Variants in COL24A1 observed in about 807,000 individuals in gnomAD.
The protein encoded by COL24A1 is collagen type XXIV alpha 1 chain.
COL24A1 carries 224 observed loss-of-function variants against 253.9 expected under a neutral mutation model. The observed-to-expected ratio is 0.88, with a 90% CI of 0.79 to 0.99. The LOEUF (loss-of-function observed/expected upper bound fraction) is 0.99. Ranked by LOEUF, COL24A1 falls within the 50% of genes least tolerant of loss-of-function variation. The probability of loss-of-function intolerance (pLI) is 0.00; values close to 1 mark genes in which losing one functional copy is unlikely to be tolerated. For synonymous variants in COL24A1, 685 were observed against 673.7 expected (o/e 1.02, Z -0.26); for missense variants, 2,131 against 2,068.5 (o/e 1.03, Z -0.59).
intron 53 of COL24A1, among the ~76,000 whole-genome samples, chr1:85,763,723 G>A (rs2101132300): frequency 6.6e-6 from 1 of 151,940 alleles, no homozygotes; most frequent in African/African-American, 2.4e-5. Context: ...TCAAACTCCT[G>A]GCCTCAAGTG....
At chr1:85,903,663 T>C (rs1316695098) in intron 28 of COL24A1, among the ~76,000 whole-genome samples, 3 of 152,146 alleles carry the variant, frequency 2.0e-5, no homozygotes, top group Non-Finnish European at 4.4e-5. Context: ...AAATAAAAAT[T>C]TGATAGCTTA....
At chr1:85,815,181 A>G (rs1672933947) in intron 47 of COL24A1, among the ~76,000 whole-genome samples, 2 of 152,244 alleles carry the variant, frequency 1.3e-5, no homozygotes, top group Non-Finnish European at 2.9e-5. Context: ...ATTCACTACA[A>G]TATTTCCCAG....
chr1:85,855,329 G>C (rs188211345), intron 37 of COL24A1, among the ~76,000 whole-genome samples: 1 of 152,038 alleles, frequency 6.6e-6, no homozygotes. Flanking sequence ...TTGCCTATTA[G>C]GTATAACATT....
chr1:86,151,246 T>C (rs911268672), intron 1 of COL24A1, among the ~76,000 whole-genome samples: 1 of 152,120 alleles, frequency 6.6e-6, no homozygotes, highest in African/African-American at 2.4e-5. Context: ...TTTAGTTTAC[T>C]CCCACAAACA....
chr1:86,152,185 G>A (rs571967605), intron 1 of COL24A1, among the ~76,000 whole-genome samples: 1 of 152,224 alleles, frequency 6.6e-6, no homozygotes, highest in African/African-American at 2.4e-5. Flanking sequence ...TAATTTTTCA[G>A]ACTATTAATT....
chr1:85,989,893 T>A (rs1055402718), intron 19 of COL24A1, among the ~76,000 whole-genome samples: 17 of 152,198 alleles, frequency 1.1e-4, no homozygotes, highest in South Asian at 4.1e-4. Context: ...ATACCTTGAA[T>A]TAGGTTGCTT....
At chr1:86,105,699 C>T (rs1328562638) in intron 5 of COL24A1, among the ~76,000 whole-genome samples, 2 of 152,190 alleles carry the variant, frequency 1.3e-5, no homozygotes, top group Non-Finnish European at 2.9e-5. Context: ...TTGGGCTCCA[C>T]ACTGGCTGAG....
chr1:86,110,544 C>A (rs540145462), intron 5 of COL24A1, among the ~76,000 whole-genome samples: 2 of 151,576 alleles, frequency 1.3e-5, no homozygotes, highest in African/African-American at 4.8e-5. Flanking sequence ...CCTCTGCTTG[C>A]GGGGAGGTGT....
chr1:86,086,241 A>T (rs1165939595), intron 7 of COL24A1, among the ~76,000 whole-genome samples: 1 of 152,186 alleles, frequency 6.6e-6, no homozygotes, highest in African/African-American at 2.4e-5. Flanking sequence ...CTAGAGGTAC[A>T]CAGATATACT....
intron 43 of COL24A1, among the ~76,000 whole-genome samples, chr1:85,827,084 T>C (rs1674460320): frequency 6.6e-6 from 1 of 152,078 alleles, no homozygotes; most frequent in Non-Finnish European, 1.5e-5. Flanking sequence ...GCTCTTATTA[T>C]TTTGAGATAC....
intron 28 of COL24A1, among the ~76,000 whole-genome samples, chr1:85,896,615 C>T (rs547375869): frequency 6.6e-6 from 1 of 152,222 alleles, no homozygotes; most frequent in Admixed American, 6.5e-5. Flanking sequence ...CTGCCTCAGC[C>T]TCCCCCTGAG....
chr1:85,847,776 T>C lies in COL24A1; in HGVS notation c.3355-4A>G. 1 of 1,598,632 alleles carries C rather than the reference T, an allele frequency of 6.3e-7. No individual in the cohort carries two copies. The highest frequency in any genetic ancestry group is 8.6e-7 in the Non-Finnish European group (1 of 1,166,566). On this transcript the variant is annotated splice_polypyrimidine_tract_variant and splice_region_variant and intron_variant, in intron 38 of 59. Transcript: ENST00000370571. ...GTCCTATTTGTCCTTTATCACCCTG[T>C]GGATGACATTATTAAGAGAGAAAAG...
intron 37 of COL24A1, among the ~76,000 whole-genome samples, chr1:85,865,441 A>T (rs1367049484): frequency 6.6e-6 from 1 of 152,208 alleles, no homozygotes; most frequent in Non-Finnish European, 1.5e-5. Context: ...TTACTAAAAA[A>T]AGGCACCAAA....
intron 47 of COL24A1, among the ~76,000 whole-genome samples, chr1:85,793,966 G>C (rs770591015): frequency 3.3e-5 from 5 of 151,984 alleles, no homozygotes; most frequent in Non-Finnish European, 4.4e-5. Context: ...AGAGAGAGCA[G>C]ATTTTAAAAA....
intron 2 of COL24A1, among the ~76,000 whole-genome samples, chr1:86,136,021 T>C (rs1259235018): frequency 6.6e-6 from 1 of 152,020 alleles, no homozygotes; most frequent in East Asian, 1.9e-4. Flanking sequence ...TCTAAATGGC[T>C]TCTAGCCCCA....
At chr1:86,105,843 G>A (rs957169391) in intron 5 of COL24A1, among the ~76,000 whole-genome samples, 1 of 152,154 alleles carries the variant, frequency 6.6e-6, no homozygotes, top group African/African-American at 2.4e-5. Context: ...CAACTCACCT[G>A]TTCTCCAGGA....
At chr1:85,804,172 A>C (rs1169724619) in intron 47 of COL24A1, among the ~76,000 whole-genome samples, 1 of 152,228 alleles carries the variant, frequency 6.6e-6, no homozygotes, top group Non-Finnish European at 1.5e-5. Flanking sequence ...AAAGACTAAA[A>C]GTGAAAAATT....
chr1:85,824,507 C>A (rs1674003437), intron 43 of COL24A1, among the ~76,000 whole-genome samples: 1 of 152,128 alleles, frequency 6.6e-6, no homozygotes, highest in Non-Finnish European at 1.5e-5. Context: ...TCCATTTTTA[C>A]AAACTAACTT....
chr1:85,799,152 A>C (rs1459170379), intron 47 of COL24A1, among the ~76,000 whole-genome samples: 1 of 151,254 alleles, frequency 6.6e-6, no homozygotes, highest in Non-Finnish European at 1.5e-5. Context: ...CATGATCTTG[A>C]AAAAACATTG....
Sources: gnomAD v4.1 joint callset for allele counts (sites outside exome capture counted in the v4.1 genomes callset) on GRCh38, gnomAD v4.1.1 for gene constraint, MANE v1.5 for transcripts, NCBI Gene and HGNC (gene_info 2026-07-23, HGNC 2026-07-21) for gene names.